The following CENPP variants were observed in gnomAD, a reference collection of about 807,000 sequenced individuals.
The protein encoded by CENPP is centromere protein P.
A neutral mutation model predicts 35.6 loss-of-function variants in CENPP; 24 were observed. The observed-to-expected ratio is 0.67, with a 90% confidence interval of 0.49 to 0.95. The LOEUF (loss-of-function observed/expected upper bound fraction) is 0.95. CENPP is among the 40% of genes least tolerant of loss of function. CENPP has a pLI of 0.00. For synonymous variants in CENPP, 120 were observed against 125.5 expected, an observed-to-expected ratio of 0.96 and a Z score of 0.29; for missense variants, 332 against 345.3, an observed-to-expected ratio of 0.96 and a Z score of 0.31.
chr9:92,511,783 C>T (rs988609799), intron 5 of CENPP, among the ~76,000 whole-genome samples: 22 of 152,178 alleles, frequency 1.4e-4, no homozygotes, highest in Non-Finnish European at 3.2e-4. Flanking sequence ...TTACTTTTGT[C>T]ACTGATGCTA....
chr9:92,538,559 A>G (rs1849243585), intron 5 of CENPP, among the ~76,000 whole-genome samples: 1 of 152,248 alleles, frequency 6.6e-6, no homozygotes, highest in Non-Finnish European at 1.5e-5. Context: ...AATTACCACG[A>G]TGAGATTGAG....
At chr9:92,446,341 C>T (rs1844551483) in intron 5 of CENPP, among the ~76,000 whole-genome samples, 1 of 152,110 alleles carries the variant, frequency 6.6e-6, no homozygotes, top group Non-Finnish European at 1.5e-5. Context: ...TAGCACTGGT[C>T]AGAGGTGATT....
intron 5 of CENPP, among the ~76,000 whole-genome samples, chr9:92,603,790 G>A (rs181862187): frequency 6.6e-6 from 1 of 152,206 alleles, no homozygotes; most frequent in Admixed American, 6.5e-5. Flanking sequence ...TGGTCCCCCT[G>A]CTTTCTCCCA....
At chr9:92,353,472 T>C (rs1270980884) in intron 4 of CENPP, among the ~76,000 whole-genome samples, 1 of 152,224 alleles carries the variant, frequency 6.6e-6, no homozygotes, top group African/African-American at 2.4e-5. Context: ...TTGGTAATAC[T>C]AAGAGAAGCC....
At chr9:92,357,816 G>A (rs553236793) in intron 4 of CENPP, among the ~76,000 whole-genome samples, 2 of 151,560 alleles carry the variant, frequency 1.3e-5, no homozygotes, top group Admixed American at 1.3e-4. Flanking sequence ...CACTTTTTAA[G>A]GACAGTTTTG....
At chr9:92,417,177 T>A in intron 5 of CENPP, 1 of 1,613,910 alleles carries the variant, frequency 6.2e-7, no homozygotes, top group African/African-American at 1.3e-5. Flanking sequence ...TTTTGAGATT[T>A]AATTTTGTTG....
intron 5 of CENPP, among the ~76,000 whole-genome samples, chr9:92,454,413 C>T (rs1053186967): frequency 6.6e-6 from 1 of 151,998 alleles, no homozygotes; most frequent in African/African-American, 2.4e-5. Flanking sequence ...TTAGTATTTA[C>T]CTTATGATTT....
intron 5 of CENPP, chr9:92,457,083 T>C (rs1844902937): frequency 1.5e-6 from 2 of 1,355,486 alleles, no homozygotes; most frequent in African/African-American, 3.0e-5. Context: ...CTGCAATAGA[T>C]GCTTGTTTCT....
chr9:92,551,664 C>T (rs1849589868), intron 5 of CENPP, among the ~76,000 whole-genome samples: 1 of 151,892 alleles, frequency 6.6e-6, no homozygotes, highest in Non-Finnish European at 1.5e-5. Context: ...TCTTTTATCC[C>T]TCACCCCACT....
intron 5 of CENPP, among the ~76,000 whole-genome samples, chr9:92,435,560 A>G: frequency 6.6e-6 from 1 of 152,330 alleles, no homozygotes; most frequent in Middle Eastern, 3.4e-3. Context: ...ATAGGTACAT[A>G]AATCTCTTGC....
At chr9:92,558,760 G>A (rs147435346) in intron 5 of CENPP, among the ~76,000 whole-genome samples, 22 of 152,152 alleles carry the variant, frequency 1.4e-4, no homozygotes, top group Non-Finnish European at 2.6e-4. Flanking sequence ...ACCATCAGGT[G>A]GGGACAGGGC....
At chr9:92,400,423 AC>A (rs1482948510) in intron 5 of CENPP, among the ~76,000 whole-genome samples, 1 of 152,254 alleles carries the variant, frequency 6.6e-6, no homozygotes, top group Non-Finnish European at 1.5e-5. Flanking sequence ...TACTGGGATT[AC>A]AGGCGTGAGC....
intron 5 of CENPP, among the ~76,000 whole-genome samples, chr9:92,578,610 G>A (rs1258371394): frequency 6.6e-6 from 1 of 152,152 alleles, no homozygotes; most frequent in African/African-American, 2.4e-5. Flanking sequence ...TTTGAGAAGT[G>A]TCTGTTCATG....
intron 5 of CENPP, among the ~76,000 whole-genome samples, chr9:92,555,970 T>C (rs1015755820): frequency 6.6e-6 from 1 of 152,200 alleles, no homozygotes; most frequent in African/African-American, 2.4e-5. Flanking sequence ...TCTAGTTCCT[T>C]GAGTTGTGAC....
chr9:92,599,329 C>T (rs1236673487), intron 5 of CENPP, among the ~76,000 whole-genome samples: 1 of 152,190 alleles, frequency 6.6e-6, no homozygotes, highest in South Asian at 2.1e-4. Context: ...CAGACCTCCC[C>T]GTCCGACACC....
chr9:92,577,914 C>G (rs2131362716), intron 5 of CENPP, among the ~76,000 whole-genome samples: 1 of 151,014 alleles, frequency 6.6e-6, no homozygotes, highest in South Asian at 2.1e-4. Context: ...TCATCATCTA[C>G]CATTAGGTAT....
chr9:92,375,855 CT>C (rs61124557), intron 4 of CENPP, among the ~76,000 whole-genome samples: 48,513 of 122,294 alleles, frequency 0.4, 9,894 homozygotes, highest in African/African-American at 0.64. Flanking sequence ...CTGTTAATTT[CT>C]TTTTTTTTTT....
At chr9:92,529,537 C>T (rs1006418214) in intron 5 of CENPP, among the ~76,000 whole-genome samples, 4 of 151,732 alleles carry the variant, frequency 2.6e-5, no homozygotes, top group African/African-American at 9.7e-5. Flanking sequence ...TCATAATTGC[C>T]AAAACTTAGA....
rs997852232 is a variant in CENPP at position 92,542,403 on chromosome 9, A to G, written c.565-68911A>G. ...ATATTTCTTAATTTGATGTAATCTC[A>G]TTTGTCTATTTTTGCTTTTGTTGCC... is the stretch of plus-strand genomic sequence containing the variant. On this transcript the variant is annotated intron_variant, in intron 5 of 7. Coordinates refer to ENST00000375587, the MANE Select transcript of CENPP (RefSeq NM_001012267.3). Among the ~76,000 whole-genome samples, 3 of 151,806 alleles carry G rather than the reference A, an allele frequency of 2.0e-5. No individual in the cohort carries two copies. The East Asian group carries it at 5.8e-4, about 29-fold the overall frequency.
Sources: gnomAD v4.1 joint callset for allele counts (sites outside exome capture counted in the v4.1 genomes callset) on GRCh38, gnomAD v4.1.1 for gene constraint, MANE v1.5 for transcripts, NCBI Gene and HGNC (gene_info 2026-07-23, HGNC 2026-07-21) for gene names.